The following MRPS21 variants were observed in gnomAD, a reference collection of about 807,000 sequenced individuals.
MRPS21 encodes small ribosomal subunit protein bS21m.
MRPS21 carries 8 observed loss-of-function variants against 9.9 expected under a neutral mutation model. The ratio of observed to expected loss-of-function variants is 0.81; its 90% CI spans 0.47 to 1.45. The LOEUF is 1.45. Ranked by LOEUF, MRPS21 falls within the 40% of genes most tolerant of loss-of-function variation. The probability of loss-of-function intolerance (pLI) is 0.00; values close to 1 mark genes in which losing one functional copy is unlikely to be tolerated. For missense variants in MRPS21, 101 were observed against 118.9 expected, an observed-to-expected ratio of 0.85 and a Z score of 0.70; for synonymous variants, 40 against 40.3, an observed-to-expected ratio of 0.99 and a Z score of 0.03.
intron 2 of MRPS21, among the ~76,000 whole-genome samples, chr1:150,300,054 GCCT>G (rs1553857375): frequency 6.6e-6 from 1 of 152,076 alleles, no homozygotes; most frequent in Non-Finnish European, 1.5e-5. Flanking sequence ...TAGACTTGTA[GCCT>G]CCTGGCTGGG....
intron 2 of MRPS21, among the ~76,000 whole-genome samples, chr1:150,302,782 G>A (rs1654193470): frequency 6.6e-6 from 1 of 152,084 alleles, no homozygotes; most frequent in South Asian, 2.1e-4. Flanking sequence ...ATCCTTTTCT[G>A]TTAGAGGTAA....
intron 2 of MRPS21, among the ~76,000 whole-genome samples, chr1:150,295,970 T>TTA (rs1428930001): frequency 0.32 from 42,868 of 134,152 alleles, 7,551 homozygotes; most frequent in Non-Finnish European, 0.41. Flanking sequence ...TTTTTTTTTT[T>TTA]AAAACGGAGT....
rs4059293 is a variant in MRPS21 at position 150,295,970 on chromosome 1, TA to T, written c.83+1525del. Reference sequence around the variant, plus strand: ...AGTAATACTTTTTTTTTTTTTTTTTTAAAACGGAGTCTTGCTCTGTTGCCAG... The same window carrying T: ...AGTAATACTTTTTTTTTTTTTTTTTTAAACGGAGTCTTGCTCTGTTGCCAG... On this transcript the variant is annotated intron_variant, in intron 2 of 2. Transcript: ENST00000614145. 9.6e-3 allele frequency among the ~76,000 whole-genome samples: 1,286 copies of T among 134,366 alleles called. 11 individuals are homozygous for T. Among genetic ancestry groups the T allele is most frequent in the African/African-American group, 0.02 (698 of 35,692 alleles). The allele number at this position is 134,366 out of a possible 152,430, so 88.1% of individuals were successfully genotyped here. A position where few individuals can be genotyped will look rare whatever the true frequency, so the allele number is the denominator to read the frequency against.
At chr1:150,300,445 A>G (rs1654073974) in intron 2 of MRPS21, among the ~76,000 whole-genome samples, 1 of 152,162 alleles carries the variant, frequency 6.6e-6, no homozygotes, top group African/African-American at 2.4e-5. Flanking sequence ...CAAAGCTCTC[A>G]TTAAATGTCT....
chr1:150,294,734 A>G (rs1225087105), intron 2 of MRPS21, among the ~76,000 whole-genome samples: 2 of 151,526 alleles, frequency 1.3e-5, no homozygotes, highest in Admixed American at 1.3e-4. Flanking sequence ...CCGTGTCTCT[A>G]CTAAAAATAC....
At chr1:150,296,352 A>G (rs1224594706) in intron 2 of MRPS21, among the ~76,000 whole-genome samples, 1 of 152,168 alleles carries the variant, frequency 6.6e-6, no homozygotes, top group Non-Finnish European at 1.5e-5. Context: ...CTCACGCGTC[A>G]TTTTCTTTCC....
Position 150,308,248 on chromosome 1 carries a change from C to T in MRPS21, c.*20C>T. ...TGCTGAGGCCTGTGGGTGGGACACC[C>T]AGTGCGAAACCCTCATCCAGTTTTC... is the stretch of plus-strand genomic sequence containing the variant. On this transcript the variant is annotated 3_prime_UTR_variant, in exon 3 of 3. Coordinates refer to ENST00000614145, the MANE Select transcript of MRPS21 (RefSeq NM_031901.6). The T allele has an allele frequency of 6.3e-7, 1 of 1,577,220 alleles. No homozygotes were observed. The highest frequency in any genetic ancestry group is 8.7e-7 in the Non-Finnish European group (1 of 1,150,622).
chr1:150,305,593 C>T (rs587664515), intron 2 of MRPS21, among the ~76,000 whole-genome samples: 2 of 152,094 alleles, frequency 1.3e-5, no homozygotes, highest in East Asian at 3.9e-4. Context: ...TTATAGGGCA[C>T]GTGTTTTGTT....
intron 2 of MRPS21, among the ~76,000 whole-genome samples, chr1:150,297,755 T>C (rs587665007): frequency 6.6e-6 from 1 of 152,220 alleles, no homozygotes; most frequent in East Asian, 1.9e-4. Flanking sequence ...TCCCTCTACA[T>C]TGTCACCTAT....
At chr1:150,294,213 C>T (rs1287622856) in intron 1 of MRPS21, 122 bp from the exon 2 acceptor site, 1 of 631,072 alleles carries the variant, frequency 1.6e-6, no homozygotes, top group East Asian at 2.9e-5. Context: ...CTTCCATGTG[C>T]TCCATCTCGC....
intron 2 of MRPS21, 93 bp downstream of exon 2, chr1:150,294,542 A>ACACCT: frequency 9.4e-7 from 1 of 1,065,942 alleles, no homozygotes; most frequent in Non-Finnish European, 1.4e-6. Flanking sequence ...TTCTCAAAAC[A>ACACCT]GTGCCAGCCC....
At chr1:150,295,864 A>G (rs1164042871) in intron 2 of MRPS21, among the ~76,000 whole-genome samples, 1 of 152,170 alleles carries the variant, frequency 6.6e-6, no homozygotes, top group Non-Finnish European at 1.5e-5. Flanking sequence ...CATAAATGGA[A>G]ACAAACTAGC....
chr1:150,293,915 G>T lies in MRPS21; in HGVS notation c.-33+17G>T, dbSNP rs1553856098. ...GCGCGCGAGGTGAGGAGTTGTGCAG[G>T]GTTTGGGGAAAGGAAGGCTGGCTTG... On this transcript the variant is annotated intron_variant, in intron 1 of 2. Coordinates refer to ENST00000614145, the MANE Select transcript of MRPS21 (RefSeq NM_031901.6). The T allele has an allele frequency of 4.9e-6, 1 of 204,782 alleles. No homozygotes were observed. Among genetic ancestry groups the T allele is most frequent in the African/African-American group, 2.3e-5 (1 of 43,638 alleles). The allele number at this position is 204,782 out of a possible 1,614,324, so 12.7% of individuals were successfully genotyped here.
intron 2 of MRPS21, among the ~76,000 whole-genome samples, chr1:150,297,987 G>A (rs1161874371): frequency 2.6e-5 from 4 of 151,150 alleles, no homozygotes; most frequent in Non-Finnish European, 5.9e-5. Flanking sequence ...AAGCTGGAGT[G>A]CAATGGTGCC....
At chr1:150,303,195 C>T (rs1409179080) in intron 2 of MRPS21, among the ~76,000 whole-genome samples, 1 of 152,142 alleles carries the variant, frequency 6.6e-6, no homozygotes, top group Non-Finnish European at 1.5e-5. Flanking sequence ...CTTTGTCATT[C>T]CAATAGGTTC....
intron 1 of MRPS21, 81 bp from the exon 2 acceptor site, chr1:150,294,254 C>A: frequency 1.0e-6 from 1 of 978,116 alleles, no homozygotes. Context: ...TTTCCAAATC[C>A]TAAATAAGCC....
At chr1:150,303,532 TTGTCTTCTGAAA>T (rs1424761419) in intron 2 of MRPS21, among the ~76,000 whole-genome samples, 1 of 152,216 alleles carries the variant, frequency 6.6e-6, no homozygotes, top group Non-Finnish European at 1.5e-5. Flanking sequence ...CTGCAACAGT[TTGTCTTCTGAAA>T]TGGGTGGTTT....
intron 2 of MRPS21, among the ~76,000 whole-genome samples, chr1:150,294,706 C>T (rs587760502): frequency 6.6e-6 from 1 of 151,960 alleles, no homozygotes; most frequent in Admixed American, 6.6e-5. Flanking sequence ...TCAGACCAGC[C>T]TGGCCAACAT....
intron 2 of MRPS21, among the ~76,000 whole-genome samples, chr1:150,307,692 C>T (rs782728967): frequency 1.3e-5 from 2 of 152,138 alleles, no homozygotes; most frequent in Admixed American, 6.6e-5. Context: ...GATGCTCCCA[C>T]CTCAGCCTCG....
Sources: gnomAD v4.1 joint callset for allele counts (sites outside exome capture counted in the v4.1 genomes callset) on GRCh38, gnomAD v4.1.1 for gene constraint, MANE v1.5 for transcripts, NCBI Gene and HGNC (gene_info 2026-07-23, HGNC 2026-07-21) for gene names.